Variants in STOML3 observed in about 807,000 individuals in gnomAD.
STOML3 encodes the protein stomatin like 3, also known as stomatin-like protein 3.
A neutral mutation model predicts 29.5 loss-of-function variants in STOML3; 31 were observed. The ratio of observed to expected loss-of-function variants is 1.05; its 90% confidence interval spans 0.79 to 1.42. The LOEUF is 1.42. Among genes scored for constraint, STOML3 ranks in the 40% most tolerant of loss-of-function variants. STOML3 has a pLI of 0.00. For missense variants in STOML3, 380 were observed against 363.0 expected (o/e 1.05, Z -0.38); for synonymous variants, 122 against 139.8 (o/e 0.87, Z 0.90).
chr13:38,983,959 A>T (rs115014961), intron 1 of STOML3, among the ~76,000 whole-genome samples: 4,334 of 152,242 alleles, frequency 0.028, 89 homozygotes, highest in Middle Eastern at 0.12. Context: ...GCTTAAGAAT[A>T]TACACCTTGC....
chr13:38,982,672 G>T (rs530645224), intron 1 of STOML3, among the ~76,000 whole-genome samples: 27 of 152,090 alleles, frequency 1.8e-4, no homozygotes, highest in African/African-American at 6.3e-4. Flanking sequence ...CTGGGTACTG[G>T]GTCACAAAAA....
intron 5 of STOML3, among the ~76,000 whole-genome samples, chr13:38,969,407 G>A (rs1446523993): frequency 6.6e-6 from 1 of 152,166 alleles, no homozygotes; most frequent in African/African-American, 2.4e-5. Flanking sequence ...CAGTGACCTG[G>A]CTGTGGATGG....
At chr13:38,972,686 G>A (rs1168498104) in intron 3 of STOML3, 92 bp from the exon 4 acceptor site, 24 of 1,090,182 alleles carry the variant, frequency 2.2e-5, no homozygotes, top group Admixed American at 5.7e-5. Context: ...TACATGGGGC[G>A]ATACATGTTT....
chr13:38,967,322 A>G (rs1199212000), intron 6 of STOML3, among the ~76,000 whole-genome samples: 1 of 152,152 alleles, frequency 6.6e-6, no homozygotes, highest in East Asian at 1.9e-4. Context: ...ATACAAATGA[A>G]TACTTGGCAT....
chr13:38,974,739 G>A (rs1167488658), intron 3 of STOML3, among the ~76,000 whole-genome samples: 6 of 152,074 alleles, frequency 3.9e-5, no homozygotes, highest in Admixed American at 1.3e-4. Context: ...CACGTATGAC[G>A]AGAGTTGTTA....
chr13:38,990,640 A>T (rs772704705), intron 1 of STOML3, 30 bp downstream of exon 1: 2 of 1,612,684 alleles, frequency 1.2e-6, no homozygotes, highest in Admixed American at 1.7e-5. Context: ...TATGTAAAAA[A>T]CAAGCCTAAG....
chr13:38,980,787 A>C (rs1881243725), intron 1 of STOML3, among the ~76,000 whole-genome samples: 2 of 152,156 alleles, frequency 1.3e-5, no homozygotes, highest in Admixed American at 1.3e-4. Context: ...TGGAGAATAA[A>C]ATGGGAAACA....
At chr13:38,985,057 C>A (rs962197408) in intron 1 of STOML3, among the ~76,000 whole-genome samples, 3 of 152,128 alleles carry the variant, frequency 2.0e-5, no homozygotes, top group South Asian at 2.1e-4. Flanking sequence ...GTCAATTAAC[C>A]AAAGAACCAT....
At chr13:38,977,091 A>G (rs537765191) in intron 1 of STOML3, among the ~76,000 whole-genome samples, 36 of 152,356 alleles carry the variant, frequency 2.4e-4, no homozygotes, top group African/African-American at 8.7e-4. Flanking sequence ...TATTCTCAAA[A>G]CACATAAACA....
chr13:38,986,197 G>A (rs547037395), intron 1 of STOML3, among the ~76,000 whole-genome samples: 160 of 151,476 alleles, frequency 1.1e-3, no homozygotes, highest in African/African-American at 3.7e-3. Context: ...ACCACACCCA[G>A]CTAATTTTTT....
chr13:38,967,953 A>C (rs1245380355), intron 6 of STOML3, among the ~76,000 whole-genome samples: 1 of 152,172 alleles, frequency 6.6e-6, no homozygotes, highest in East Asian at 1.9e-4. Context: ...GCAACGTTTA[A>C]TATACAAGAA....
rs796291479 is a variant in STOML3 at position 38,988,278 on chromosome 13, A to T, written c.52+2392T>A. 9.6e-4 allele frequency among the ~76,000 whole-genome samples: 58 copies of T among 60,206 alleles called. 7 individuals carry two copies. The highest frequency in any genetic ancestry group is 1.3e-3 in the African/African-American group (11 of 8,734). The allele number at this position is 60,206 out of a possible 152,430, so 39.5% of individuals were successfully genotyped here. ...TATTTTATATCATATATTATATATAAAATATATTATATTTTATATCATATA... is the reference window on the plus strand; with the variant it reads ...TATTTTATATCATATATTATATATATAATATATTATATTTTATATCATATA... On this transcript the variant is annotated intron_variant, in intron 1 of 6. Coordinates refer to ENST00000379631, the MANE Select transcript of STOML3 (RefSeq NM_145286.3).
rs1029957362 is a variant in STOML3 at position 38,970,456 on chromosome 13, A to G, written c.313-68T>C. ...CACCACTACTGACAAAGTGACAGCC[A>G]GCCCAAGAGCCATCCTCCACAGAAG... is the stretch of plus-strand genomic sequence containing the variant. On this transcript the variant is annotated intron_variant, in intron 4 of 6. Transcript: ENST00000379631. 7 of 1,324,716 alleles carry G rather than the reference A, an allele frequency of 5.3e-6. No homozygotes were observed. The African/African-American group carries it at 7.2e-5, about 14-fold the overall frequency. 82.1% of individuals were successfully genotyped at this position (1,324,716 alleles called of 1,614,324 possible). A position where few individuals can be genotyped will look rare whatever the true frequency, so the allele number is the denominator to read the frequency against.
At chr13:38,984,322 C>T (rs944754595) in intron 1 of STOML3, among the ~76,000 whole-genome samples, 3 of 152,262 alleles carry the variant, frequency 2.0e-5, no homozygotes, top group Non-Finnish European at 2.9e-5. Flanking sequence ...CCTTCTGCAT[C>T]CCACATTTTC....
chr13:38,976,328 G>A (rs1458918417), intron 3 of STOML3, among the ~76,000 whole-genome samples: 9 of 152,244 alleles, frequency 5.9e-5, no homozygotes, highest in South Asian at 4.1e-4. Context: ...TTAGGAGGCC[G>A]GGCCAGATTT....
chr13:38,976,611 A>T lies in STOML3; in HGVS notation c.158T>A (p.Ile53Asn). The change falls in exon 3 of 7, where the codon ATC becomes AAC. Residue 53 changes from isoleucine (I) to asparagine (N), a missense_variant and splice_region_variant. Coordinates refer to ENST00000379631, the MANE Select transcript of STOML3 (RefSeq NM_145286.3). ...AACAGCACGTTCATACTCCTTAATG[A>T]TCTAGGAGATTAAGGGCGAACGTTT... ...FPISIWMCLK[I>N]IKEYERAVVF... 1 of 1,614,112 alleles carries T rather than the reference A, an allele frequency of 6.2e-7. No homozygotes were observed. The highest frequency in any genetic ancestry group is 8.5e-7 in the Non-Finnish European group (1 of 1,180,000).
intron 3 of STOML3, 61 bp downstream of exon 3, chr13:38,976,479 G>C: frequency 6.3e-7 from 1 of 1,577,780 alleles, no homozygotes; most frequent in Non-Finnish European, 8.7e-7. Flanking sequence ...AATATTGAAG[G>C]TGGTAGCAGT....
intron 1 of STOML3, among the ~76,000 whole-genome samples, chr13:38,978,056 G>A (rs576840117): frequency 3.3e-5 from 5 of 152,132 alleles, no homozygotes; most frequent in Admixed American, 1.3e-4. Flanking sequence ...CACCGCGCCC[G>A]GCCAGGGATC....
chr13:38,988,873 A>G, intron 1 of STOML3, among the ~76,000 whole-genome samples: 1 of 143,052 alleles, frequency 7.0e-6, no homozygotes, highest in African/African-American at 2.6e-5. Context: ...GTATTATATA[A>G]TATATATTAT....
Sources: gnomAD v4.1 joint callset for allele counts (sites outside exome capture counted in the v4.1 genomes callset) on GRCh38, gnomAD v4.1.1 for gene constraint, MANE v1.5 for transcripts, NCBI Gene and HGNC (gene_info 2026-07-23, HGNC 2026-07-21) for gene names.